The following KCNIP4 variants were observed in gnomAD, a reference collection of about 807,000 sequenced individuals.
KCNIP4 encodes the protein potassium voltage-gated channel interacting protein 4.
A neutral mutation model predicts 34.0 loss-of-function variants in KCNIP4; 12 were observed. That is an observed-to-expected ratio of 0.35 (90% CI 0.23 to 0.57). The LOEUF (loss-of-function observed/expected upper bound fraction) is 0.57, where lower values mean the gene tolerates loss of function less well. Ranked by LOEUF, KCNIP4 falls within the 20% of genes least tolerant of loss-of-function variation. The pLI is 0.83. For synonymous variants in KCNIP4, 124 were observed against 102.2 expected, an observed-to-expected ratio of 1.21 and a Z score of -1.29; for missense variants, 238 against 311.7, an observed-to-expected ratio of 0.76 and a Z score of 1.78.
At chr4:21,412,561 T>A (rs1248574116) in intron 1 of KCNIP4, among the ~76,000 whole-genome samples, 3 of 152,246 alleles carry the variant, frequency 2.0e-5, no homozygotes, top group Non-Finnish European at 4.4e-5. Flanking sequence ...AATTTCTTCA[T>A]ACCTTGCTGA....
intron 1 of KCNIP4, among the ~76,000 whole-genome samples, chr4:21,686,460 A>G (rs940527668): frequency 6.6e-6 from 1 of 152,194 alleles, no homozygotes; most frequent in African/African-American, 2.4e-5. Context: ...TTATAGAGAT[A>G]TAACTATGTA....
At chr4:20,903,506 C>T (rs1237561485) in intron 1 of KCNIP4, among the ~76,000 whole-genome samples, 1 of 152,076 alleles carries the variant, frequency 6.6e-6, no homozygotes, top group Admixed American at 6.5e-5. Context: ...TGAACCTAAA[C>T]GTTTCCTTTC....
intron 1 of KCNIP4, among the ~76,000 whole-genome samples, chr4:21,388,056 G>C (rs539049513): frequency 8.0e-6 from 1 of 125,734 alleles, no homozygotes; most frequent in African/African-American, 2.8e-5. Flanking sequence ...GGGACAGCTA[G>C]AGAGGGCTGC....
Position 21,538,918 on chromosome 4 carries a change from C to T in KCNIP4, c.61+409653G>A, listed in dbSNP as rs563189189. ...CAAATCTCATCTCAAATTGTAATCC[C>T]TGTGTGTCAAGGGAGAGACCTGGTG... is the stretch of plus-strand genomic sequence containing the variant. On this transcript the variant is annotated intron_variant, in intron 1 of 8. Transcript: ENST00000382152. Among the ~76,000 whole-genome samples, 23 of 152,300 alleles carry T rather than the reference C, an allele frequency of 1.5e-4. No homozygotes were observed. The South Asian group carries it at 4.6e-3, about 30-fold the overall frequency.
Position 21,748,018 on chromosome 4 carries a change from T to C in KCNIP4, c.61+200553A>G, listed in dbSNP as rs377410844. Among the ~76,000 whole-genome samples, 11 of 152,294 alleles carry C rather than the reference T, an allele frequency of 7.2e-5. 2 individuals carry two copies. The highest frequency in any genetic ancestry group is 2.6e-4 in the African/African-American group (11 of 41,584). On this transcript the variant is annotated intron_variant, in intron 1 of 8. Transcript: ENST00000382152. ...GCTGGAAGAGGAAGGAAAGATTCTT[T>C]AGAGTCTTCAGAGAGACCCTGACCC...
chr4:21,392,309 TAAG>T (rs35200687), intron 1 of KCNIP4, among the ~76,000 whole-genome samples: 51,004 of 151,928 alleles, frequency 0.34, 9,969 homozygotes, highest in South Asian at 0.51. Context: ...AGCTAACTAT[TAAG>T]AAGATTATAA....
chr4:20,929,063 G>A (rs919586408), intron 1 of KCNIP4, among the ~76,000 whole-genome samples: 2 of 151,898 alleles, frequency 1.3e-5, no homozygotes, highest in African/African-American at 4.8e-5. Flanking sequence ...TGATCCCTAA[G>A]CCAATGACAT....
At chr4:21,648,657 G>C (rs1290236640) in intron 1 of KCNIP4, among the ~76,000 whole-genome samples, 1 of 152,086 alleles carries the variant, frequency 6.6e-6, no homozygotes, top group Non-Finnish European at 1.5e-5. Context: ...GTATAAATTG[G>C]CTGAATAATT....
chr4:20,825,500 G>A (rs1717648408), intron 3 of KCNIP4, among the ~76,000 whole-genome samples: 1 of 152,144 alleles, frequency 6.6e-6, no homozygotes, highest in South Asian at 2.1e-4. Context: ...TCTAGGCTGT[G>A]TAACCAGGTA....
chr4:21,132,004 A>G (rs758013163), intron 1 of KCNIP4, among the ~76,000 whole-genome samples: 2 of 152,214 alleles, frequency 1.3e-5, no homozygotes, highest in Non-Finnish European at 2.9e-5. Context: ...GTACCGTGGT[A>G]ATGAGGAGGG....
chr4:21,170,809 T>C (rs1753969006), intron 1 of KCNIP4, among the ~76,000 whole-genome samples: 1 of 152,240 alleles, frequency 6.6e-6, no homozygotes, highest in Admixed American at 6.5e-5. Context: ...TACATTTTTG[T>C]ATGTAAAAGT....
At chr4:21,154,722 G>A (rs922907916) in intron 1 of KCNIP4, among the ~76,000 whole-genome samples, 1 of 152,162 alleles carries the variant, frequency 6.6e-6, no homozygotes, top group African/African-American at 2.4e-5. Context: ...TCTATGGTAT[G>A]TTAGAAGTGA....
chr4:21,495,610 A>G (rs1436918058), intron 1 of KCNIP4, among the ~76,000 whole-genome samples: 1 of 151,088 alleles, frequency 6.6e-6, no homozygotes, highest in African/African-American at 2.4e-5. Context: ...TCTGTTACAG[A>G]TTGGGTTCCT....
At chr4:21,128,617 A>T (rs1257661617) in intron 1 of KCNIP4, among the ~76,000 whole-genome samples, 1 of 152,206 alleles carries the variant, frequency 6.6e-6, no homozygotes, top group Non-Finnish European at 1.5e-5. Context: ...GGCTTGCCAC[A>T]TAGTAGGTGA....
intron 1 of KCNIP4, among the ~76,000 whole-genome samples, chr4:20,965,101 T>C (rs1734221086): frequency 6.6e-6 from 1 of 152,212 alleles, no homozygotes; most frequent in Non-Finnish European, 1.5e-5. Flanking sequence ...TTTGCCTCTA[T>C]TCTTTCCCAC....
intron 3 of KCNIP4, among the ~76,000 whole-genome samples, chr4:20,847,119 G>T (rs1720478698): frequency 6.6e-6 from 1 of 152,246 alleles, no homozygotes; most frequent in African/African-American, 2.4e-5. Context: ...TACAACTGAG[G>T]TTGACCATTT....
chr4:21,284,288 C>T (rs1762966437), intron 1 of KCNIP4, among the ~76,000 whole-genome samples: 2 of 151,756 alleles, frequency 1.3e-5, no homozygotes, highest in Admixed American at 1.3e-4. Flanking sequence ...AATGCCTCAA[C>T]ACATCAGTTA....
intron 1 of KCNIP4, among the ~76,000 whole-genome samples, chr4:21,934,592 G>C (rs1401451678): frequency 1.3e-5 from 2 of 152,020 alleles, no homozygotes; most frequent in African/African-American, 4.8e-5. Context: ...TTAACTGCAT[G>C]CACCACCAAA....
At chr4:21,225,130 A>G (rs1172607260) in intron 1 of KCNIP4, among the ~76,000 whole-genome samples, 2 of 152,160 alleles carry the variant, frequency 1.3e-5, no homozygotes, top group Non-Finnish European at 2.9e-5. Flanking sequence ...TTCAATTCAC[A>G]ACAGGTTTTT....
Sources: gnomAD v4.1 joint callset for allele counts (sites outside exome capture counted in the v4.1 genomes callset) on GRCh38, gnomAD v4.1.1 for gene constraint, MANE v1.5 for transcripts, NCBI Gene and HGNC (gene_info 2026-07-23, HGNC 2026-07-21) for gene names.